The following LPP variants were observed in gnomAD, a reference collection of about 807,000 sequenced individuals.
LPP encodes LIM domain containing preferred translocation partner in lipoma, also known as lipoma-preferred partner.
A neutral mutation model predicts 60.4 loss-of-function variants in LPP; 38 were observed. The observed-to-expected ratio is 0.63, with a 90% CI of 0.49 to 0.83. LPP has a LOEUF of 0.83. Among genes scored for constraint, LPP ranks in the 40% least tolerant of loss-of-function variants. The pLI is 0.00. For synonymous variants in LPP, 328 were observed against 290.8 expected (o/e 1.13, Z -1.30); for missense variants, 902 against 783.6 (o/e 1.15, Z -1.80).
intron 9 of LPP, among the ~76,000 whole-genome samples, chr3:188,829,065 C>T (rs968093054): frequency 3.9e-5 from 6 of 152,034 alleles, no homozygotes; most frequent in African/African-American, 1.5e-4. Flanking sequence ...CCATTGTGCC[C>T]AGCACATCAG....
intron 9 of LPP, among the ~76,000 whole-genome samples, chr3:188,850,955 C>G (rs1762543957): frequency 6.6e-6 from 1 of 152,152 alleles, no homozygotes; most frequent in African/African-American, 2.4e-5. Flanking sequence ...GTTTTCAGTG[C>G]TCTTTAGGGC....
intron 6 of LPP, among the ~76,000 whole-genome samples, chr3:188,583,390 A>G (rs13069923): frequency 2.0e-5 from 3 of 152,238 alleles, no homozygotes; most frequent in East Asian, 1.9e-4. Context: ...AGCCTGGAAC[A>G]TTGTTCACTA....
At chr3:188,700,748 T>G in intron 7 of LPP, among the ~76,000 whole-genome samples, 1 of 152,196 alleles carries the variant, frequency 6.6e-6, no homozygotes, top group East Asian at 1.9e-4. Flanking sequence ...TTAAGTCCTC[T>G]CATAAATGGA....
chr3:188,218,583 CAG>C (rs1287377122), intron 1 of LPP, among the ~76,000 whole-genome samples: 3 of 152,208 alleles, frequency 2.0e-5, no homozygotes, highest in Admixed American at 6.5e-5. Flanking sequence ...CTCTTAAAAA[CAG>C]TGTTTTGTTA....
intron 5 of LPP, among the ~76,000 whole-genome samples, chr3:188,516,763 GA>G (rs1418415756): frequency 1.3e-5 from 2 of 151,910 alleles, no homozygotes; most frequent in Admixed American, 6.5e-5. Context: ...GAACTTGGTA[GA>G]AATGTAAGTT....
rs1347828477 is a variant in LPP at position 188,314,297 on chromosome 3, G to GTTGTTGTTTTAA, written c.-66-27362_-66-27351dup. On this transcript the variant is annotated intron_variant, in intron 2 of 11. Transcript: ENST00000617246. ...CACTTATTTTGATAGTGTTGTTATTGTTGTTGTTTTAATTGAGACTGGTTG... is the reference window on the plus strand; with the variant it reads ...CACTTATTTTGATAGTGTTGTTATTGTTGTTGTTTTAATTGTTGTTTTAATTGAGACTGGTTG... 5.3e-5 allele frequency among the ~76,000 whole-genome samples: 8 copies of GTTGTTGTTTTAA among 151,488 alleles called. No individual in the cohort carries two copies. The South Asian group carries it at 8.4e-4, about 16-fold the overall frequency.
chr3:188,688,964 G>A, intron 7 of LPP: 2 of 487,936 alleles, frequency 4.1e-6, no homozygotes, highest in South Asian at 3.1e-5. Context: ...TAACTGCTCT[G>A]AAAATCAGAG....
intron 3 of LPP, among the ~76,000 whole-genome samples, chr3:188,380,787 G>C (rs1049502839): frequency 9.2e-5 from 14 of 152,202 alleles, no homozygotes; most frequent in African/African-American, 3.4e-4. Flanking sequence ...CCCTGTAAGG[G>C]GGAAGAATCA....
intron 6 of LPP, among the ~76,000 whole-genome samples, chr3:188,600,914 TTG>T (rs1488990579): frequency 6.6e-6 from 1 of 152,002 alleles, no homozygotes; most frequent in African/African-American, 2.4e-5. Context: ...TCTTATTACA[TTG>T]TGTGTGTGTA....
At chr3:188,183,285 G>A (rs533443705) in intron 1 of LPP, among the ~76,000 whole-genome samples, 2 of 152,192 alleles carry the variant, frequency 1.3e-5, no homozygotes, top group Non-Finnish European at 2.9e-5. Flanking sequence ...TCCTCTTTGG[G>A]GCTATGATTG....
chr3:188,346,251 CTTTTTTTTTTTTTTT>C (rs1050679907), intron 3 of LPP, among the ~76,000 whole-genome samples: 1 of 88,344 alleles, frequency 1.1e-5, no homozygotes. Flanking sequence ...AGTAGCAAAT[CTTTTTTTTTTTTTTT>C]TTTTTTTTTT....
chr3:188,802,414 A>G (rs1332130739), intron 9 of LPP, among the ~76,000 whole-genome samples: 2 of 152,188 alleles, frequency 1.3e-5, no homozygotes, highest in Non-Finnish European at 2.9e-5. Context: ...AACTTTCTTT[A>G]TATATAAAGA....
At chr3:188,231,888 T>C (rs1720125320) in intron 2 of LPP, among the ~76,000 whole-genome samples, 1 of 152,202 alleles carries the variant, frequency 6.6e-6, no homozygotes. Flanking sequence ...TGGGCCATGT[T>C]GTGTCCTGAA....
At chr3:188,635,232 T>C (rs1410761577) in intron 7 of LPP, among the ~76,000 whole-genome samples, 1 of 152,236 alleles carries the variant, frequency 6.6e-6, no homozygotes, top group Non-Finnish European at 1.5e-5. Context: ...AGTCTCTAAC[T>C]CACATGCTGC....
At chr3:188,593,547 A>G (rs952962217) in intron 6 of LPP, among the ~76,000 whole-genome samples, 3 of 152,070 alleles carry the variant, frequency 2.0e-5, no homozygotes, top group Non-Finnish European at 4.4e-5. Context: ...CCATCACCTG[A>G]GCAGTATACA....
At chr3:188,246,695 A>G (rs1298676557) in intron 2 of LPP, among the ~76,000 whole-genome samples, 1 of 152,200 alleles carries the variant, frequency 6.6e-6, no homozygotes, top group Non-Finnish European at 1.5e-5. Flanking sequence ...ACCATCTGAC[A>G]TAGATGAGAC....
At chr3:188,191,229 C>G (rs1728089441) in intron 1 of LPP, among the ~76,000 whole-genome samples, 1 of 152,094 alleles carries the variant, frequency 6.6e-6, no homozygotes, top group African/African-American at 2.4e-5. Context: ...GACTTTGTCT[C>G]AAAACAGAAA....
intron 3 of LPP, among the ~76,000 whole-genome samples, chr3:188,386,260 G>GCACA (rs1491279764): frequency 0.011 from 1,076 of 96,788 alleles, 10 homozygotes; most frequent in Middle Eastern, 0.041. Context: ...GTCATAGCAT[G>GCACA]CGCGCACACA....
chr3:188,469,771 A>G (rs967372854), intron 4 of LPP, among the ~76,000 whole-genome samples: 1 of 152,166 alleles, frequency 6.6e-6, no homozygotes, highest in Non-Finnish European at 1.5e-5. Flanking sequence ...ACAGTAAAGC[A>G]TCTATTCAAT....
Sources: allele counts gnomAD v4.1 joint callset (sites outside exome capture counted in the v4.1 genomes callset), GRCh38; gene constraint gnomAD v4.1.1; transcripts MANE v1.5; gene names NCBI Gene and HGNC (gene_info 2026-07-23, HGNC 2026-07-21).